Variants in TYW1 observed in about 807,000 individuals in gnomAD.
The protein encoded by TYW1 is tRNA-yW synthesizing protein 1 homolog.
A neutral mutation model predicts 96.2 loss-of-function variants in TYW1; 46 were observed. The ratio of observed to expected loss-of-function variants is 0.48; its 90% CI spans 0.38 to 0.61. The LOEUF (loss-of-function observed/expected upper bound fraction) is 0.61, where lower values mean the gene tolerates loss of function less well. TYW1 is among the 20% of genes least tolerant of loss of function. The probability of loss-of-function intolerance (pLI) is 0.00; values close to 1 mark genes in which losing one functional copy is unlikely to be tolerated. For synonymous variants in TYW1, 274 were observed against 323.0 expected (o/e 0.85, Z 1.63); for missense variants, 684 against 909.6 (o/e 0.75, Z 3.19).
rs1205897114 is a variant in TYW1, at chr7:67,075,215, A to G, written c.1274+7812A>G. Among the ~76,000 whole-genome samples, 4 of 152,192 alleles carry G rather than the reference A, an allele frequency of 2.6e-5. No homozygotes were observed. The East Asian group carries it at 7.7e-4, about 29-fold the overall frequency. Reference sequence around the variant, plus strand: ...GTATTTTTATGTATGTATAGATACCACATATTTACCATTGTGTGTCTCTTA... The same window carrying G: ...GTATTTTTATGTATGTATAGATACCGCATATTTACCATTGTGTGTCTCTTA... On this transcript the variant is annotated intron_variant, in intron 10 of 15. Coordinates refer to ENST00000359626, the MANE Select transcript of TYW1 (RefSeq NM_018264.4).
chr7:67,153,979 G>A (rs967528085), intron 13 of TYW1, among the ~76,000 whole-genome samples: 3 of 148,696 alleles, frequency 2.0e-5, no homozygotes, highest in Non-Finnish European at 4.4e-5. Flanking sequence ...CCAGGCTGGA[G>A]CGCAGTGGCG....
intron 13 of TYW1, among the ~76,000 whole-genome samples, chr7:67,124,291 G>A (rs1281573474): frequency 1.3e-5 from 2 of 152,064 alleles, no homozygotes; most frequent in East Asian, 1.9e-4. Flanking sequence ...GGAGATGGTG[G>A]TTTCCTTTTG....
intron 15 of TYW1, among the ~76,000 whole-genome samples, chr7:67,219,612 G>T (rs1801314562): frequency 1.3e-5 from 2 of 151,720 alleles, no homozygotes; most frequent in Non-Finnish European, 2.9e-5. Flanking sequence ...ACTTAGTCTT[G>T]GTAGATTTCA....
intron 15 of TYW1, among the ~76,000 whole-genome samples, chr7:67,223,494 A>T (rs925048869): frequency 4.0e-5 from 6 of 151,848 alleles, no homozygotes; most frequent in Non-Finnish European, 8.8e-5. Context: ...TTATTTTTTA[A>T]TGTCTTAGTC....
At chr7:67,021,405 TG>T (rs1794267658) in intron 6 of TYW1, among the ~76,000 whole-genome samples, 1 of 152,274 alleles carries the variant, frequency 6.6e-6, no homozygotes, top group Non-Finnish European at 1.5e-5. Flanking sequence ...GCATGCCTCC[TG>T]GTGCTTGCCT....
chr7:67,181,606 T>C (rs1353979829), intron 13 of TYW1, among the ~76,000 whole-genome samples: 1 of 152,162 alleles, frequency 6.6e-6, no homozygotes, highest in East Asian at 1.9e-4. Flanking sequence ...CCTTTCACTT[T>C]ACTGTTTTTT....
chr7:67,229,590 TAAAC>T (rs1331423737), intron 15 of TYW1, among the ~76,000 whole-genome samples: 4 of 151,496 alleles, frequency 2.6e-5, no homozygotes, highest in Non-Finnish European at 4.4e-5. Context: ...TTAGATAAGT[TAAAC>T]AAAGGGAGTT....
intron 13 of TYW1, among the ~76,000 whole-genome samples, chr7:67,158,580 T>A (rs1358596421): frequency 1.3e-5 from 2 of 151,924 alleles, no homozygotes; most frequent in African/African-American, 4.8e-5. Flanking sequence ...TGTTATTATT[T>A]TTTTCTGGAG....
At chr7:67,237,164 G>A (rs1290907694) in intron 15 of TYW1, among the ~76,000 whole-genome samples, 1 of 150,640 alleles carries the variant, frequency 6.6e-6, no homozygotes, top group Admixed American at 6.6e-5. Flanking sequence ...GGGATGACAG[G>A]CGTGAGCCAC....
chr7:67,227,906 A>G (rs116978865), intron 15 of TYW1, among the ~76,000 whole-genome samples: 2,397 of 152,332 alleles, frequency 0.016, 32 homozygotes, highest in Admixed American at 0.044. Context: ...TCCTTATGCT[A>G]TAATAAAACA....
At chr7:67,152,008 T>G (rs1798819675) in intron 13 of TYW1, among the ~76,000 whole-genome samples, 1 of 151,990 alleles carries the variant, frequency 6.6e-6, no homozygotes, top group Non-Finnish European at 1.5e-5. Context: ...GATGAGGTCT[T>G]GCTATGTTGT....
At position 67,098,577 on chromosome 7, in the gene TYW1, G is replaced by T; in HGVS notation, c.1421G>T (p.Gly474Val). 1 of 1,600,384 alleles carries T rather than the reference G, an allele frequency of 6.2e-7. No individual in the cohort carries two copies. The highest frequency in any genetic ancestry group is 8.5e-7 in the Non-Finnish European group (1 of 1,171,564). The change falls in exon 12 of 16, where the codon GGA becomes GTA. Residue 474 changes from glycine to valine, a missense_variant. Physicochemically the swap from Gly to Val is moderately radical, Grantham distance 109. Coordinates refer to ENST00000359626, the MANE Select transcript of TYW1 (RefSeq NM_018264.4). ...GTCAAAGCAGAACGCTTTGAAGAAG[G>T]AATGACGGTAAAGCACTGTGCATTG... is the stretch of plus-strand genomic sequence containing the variant. ...PGVKAERFEE[G>V]MTVKHCALSL... is the part of the protein sequence containing the mutation.
chr7:67,110,084 G>C (rs956852594), intron 12 of TYW1, among the ~76,000 whole-genome samples: 1 of 152,152 alleles, frequency 6.6e-6, no homozygotes, highest in Non-Finnish European at 1.5e-5. Context: ...AGTTTGTCTG[G>C]TGCAAAAAGC....
chr7:67,193,580 G>A (rs193044082), intron 14 of TYW1, among the ~76,000 whole-genome samples: 2,412 of 152,188 alleles, frequency 0.016, 31 homozygotes, highest in Admixed American at 0.044. Flanking sequence ...CCAACATGGC[G>A]AAACTCCATC....
intron 6 of TYW1, among the ~76,000 whole-genome samples, chr7:67,022,998 T>C (rs541294912): frequency 1.3e-5 from 2 of 152,218 alleles, no homozygotes; most frequent in South Asian, 2.1e-4. Flanking sequence ...TGAACACTTA[T>C]CAGCAGCATC....
intron 15 of TYW1, among the ~76,000 whole-genome samples, chr7:67,223,973 C>CTTTCT (rs1563079022): frequency 6.6e-6 from 1 of 151,954 alleles, no homozygotes; most frequent in African/African-American, 2.4e-5. Context: ...TCTACTCCAG[C>CTTTCT]ATCTTCCCAG....
At chr7:67,062,765 C>T (rs934393878) in intron 9 of TYW1, among the ~76,000 whole-genome samples, 7 of 152,156 alleles carry the variant, frequency 4.6e-5, no homozygotes, top group East Asian at 3.9e-4. Flanking sequence ...AATATATAAT[C>T]GGAATAATCC....
chr7:67,057,293 T>A (rs780852413), intron 9 of TYW1, among the ~76,000 whole-genome samples: 4 of 151,644 alleles, frequency 2.6e-5, no homozygotes, highest in Non-Finnish European at 4.4e-5. Flanking sequence ...GATTACAGGT[T>A]TGAGCCACCG....
chr7:67,117,845 C>T (rs1797641446), intron 13 of TYW1, among the ~76,000 whole-genome samples: 1 of 152,136 alleles, frequency 6.6e-6, no homozygotes, highest in South Asian at 2.1e-4. Context: ...AAGTTTGTAG[C>T]ACAATGCTTT....
Sources: gnomAD v4.1 joint callset for allele counts (sites outside exome capture counted in the v4.1 genomes callset) on GRCh38, gnomAD v4.1.1 for gene constraint, MANE v1.5 for transcripts, NCBI Gene and HGNC (gene_info 2026-07-23, HGNC 2026-07-21) for gene names.